The following PLEKHA5 variants were observed in gnomAD, a reference collection of about 807,000 sequenced individuals.
PLEKHA5 encodes the protein pleckstrin homology domain-containing family A member 5.
Under a neutral mutation model 181.9 loss-of-function variants are expected in PLEKHA5, and 55 were observed. That is an observed-to-expected ratio of 0.30 (90% CI 0.24 to 0.38). The LOEUF (loss-of-function observed/expected upper bound fraction) is 0.38. Ranked by LOEUF, PLEKHA5 falls within the 10% of genes least tolerant of loss-of-function variation. The probability of loss-of-function intolerance (pLI) is 1.00; values close to 1 mark genes in which losing one functional copy is unlikely to be tolerated. For synonymous variants in PLEKHA5, 535 were observed against 529.4 expected, an observed-to-expected ratio of 1.01 and a Z score of -0.15; for missense variants, 1,432 against 1,549.5, an observed-to-expected ratio of 0.92 and a Z score of 1.27.
chr12:19,146,888 T>C (rs1045447190), intron 3 of PLEKHA5, among the ~76,000 whole-genome samples: 1 of 152,228 alleles, frequency 6.6e-6, no homozygotes, highest in African/African-American at 2.4e-5. Flanking sequence ...ATTGATACTG[T>C]TATATACCAG....
At chr12:19,231,024 A>C (rs1369400262) in intron 3 of PLEKHA5, among the ~76,000 whole-genome samples, 2 of 152,164 alleles carry the variant, frequency 1.3e-5, no homozygotes, top group Non-Finnish European at 2.9e-5. Context: ...TGTCTTAATC[A>C]TGAGTCTCCA....
intron 3 of PLEKHA5, among the ~76,000 whole-genome samples, chr12:19,229,707 A>G (rs1164518630): frequency 6.6e-6 from 1 of 152,170 alleles, no homozygotes; most frequent in Non-Finnish European, 1.5e-5. Context: ...GCAGGTTGCC[A>G]CTGCTGGCTT....
chr12:19,330,657 TAAAATGAA>T (rs901320335), intron 20 of PLEKHA5, among the ~76,000 whole-genome samples: 4 of 152,130 alleles, frequency 2.6e-5, no homozygotes, highest in Admixed American at 6.6e-5. Context: ...ATCCTGAAGG[TAAAATGAA>T]AAAATGAATA....
intron 20 of PLEKHA5, among the ~76,000 whole-genome samples, chr12:19,334,066 G>A (rs901240006): frequency 1.3e-5 from 2 of 152,124 alleles, no homozygotes; most frequent in African/African-American, 2.4e-5. Context: ...CCACAAATAC[G>A]TAAGGTCATA....
chr12:19,220,064 A>T (rs2058684089), intron 3 of PLEKHA5, among the ~76,000 whole-genome samples: 1 of 152,152 alleles, frequency 6.6e-6, no homozygotes, highest in African/African-American at 2.4e-5. Context: ...CAATTAATTC[A>T]ACTTTTAACT....
chr12:19,253,063 C>CTTTTTTTTTTTTTTTTT (rs1314175368), intron 3 of PLEKHA5, among the ~76,000 whole-genome samples: 1 of 51,992 alleles, frequency 1.9e-5, no homozygotes, highest in Non-Finnish European at 5.6e-5. Context: ...AATCAACTTA[C>CTTTTTTTTTTTTTTTTT]CTTTTTTTTT....
chr12:19,187,436 C>T (rs1286920164), intron 3 of PLEKHA5, among the ~76,000 whole-genome samples: 1 of 152,128 alleles, frequency 6.6e-6, no homozygotes, highest in Non-Finnish European at 1.5e-5. Flanking sequence ...GTCTTAATTA[C>T]AGTTAAGATG....
chr12:19,290,873 G>T, intron 14 of PLEKHA5, 77 bp downstream of exon 14: 1 of 1,319,736 alleles, frequency 7.6e-7, no homozygotes, highest in Admixed American at 2.3e-5. Context: ...AATATGATCA[G>T]CATCATTAGT....
chr12:19,186,098 T>TC (rs776951151), intron 3 of PLEKHA5, among the ~76,000 whole-genome samples: 100 of 152,244 alleles, frequency 6.6e-4, no homozygotes, highest in Non-Finnish European at 1.0e-3. Context: ...TTGCCAGAGG[T>TC]CCCATAAAAT....
intron 20 of PLEKHA5, among the ~76,000 whole-genome samples, chr12:19,332,528 G>A (rs2092948812): frequency 1.3e-5 from 2 of 152,116 alleles, no homozygotes; most frequent in African/African-American, 4.8e-5. Flanking sequence ...GCCCAGATGG[G>A]AGTGCAGTGG....
intron 3 of PLEKHA5, among the ~76,000 whole-genome samples, chr12:19,252,879 A>C (rs531757203): frequency 1.3e-5 from 2 of 151,910 alleles, no homozygotes; most frequent in South Asian, 2.1e-4. Context: ...TAGTACTGTT[A>C]GGTTTTCTTT....
intron 25 of PLEKHA5, among the ~76,000 whole-genome samples, chr12:19,353,220 C>T (rs1408069950): frequency 2.0e-5 from 3 of 152,128 alleles, no homozygotes; most frequent in Non-Finnish European, 2.9e-5. Flanking sequence ...GTGGCGCTAT[C>T]TCAGCTCACT....
chr12:19,264,667 G>A (rs2069697596), intron 7 of PLEKHA5, among the ~76,000 whole-genome samples: 1 of 151,988 alleles, frequency 6.6e-6, no homozygotes. Context: ...TATGAGAAAA[G>A]CTATTGAAAA....
intron 3 of PLEKHA5, among the ~76,000 whole-genome samples, chr12:19,244,639 A>G (rs914608265): frequency 1.4e-4 from 21 of 152,254 alleles, no homozygotes; most frequent in Admixed American, 6.5e-5. Context: ...CTTAAGGGAA[A>G]TACATGATTC....
chr12:19,348,299 G>A (rs909734835), intron 24 of PLEKHA5, 100 bp from the exon 25 acceptor site: 8 of 823,512 alleles, frequency 9.7e-6, no homozygotes, highest in Admixed American at 8.2e-5. Flanking sequence ...GGCTCACTAG[G>A]GCTACTAATG....
intron 3 of PLEKHA5, among the ~76,000 whole-genome samples, chr12:19,159,802 AAAG>A: frequency 6.6e-6 from 1 of 152,274 alleles, no homozygotes; most frequent in South Asian, 2.1e-4. Flanking sequence ...TAAATACTCA[AAAG>A]TATTTGAAGC....
chr12:19,136,725 G>A (rs2035766761), intron 3 of PLEKHA5, among the ~76,000 whole-genome samples: 2 of 152,086 alleles, frequency 1.3e-5, no homozygotes, highest in South Asian at 4.2e-4. Context: ...ATTTGCGGGG[G>A]TAAAATAGTA....
chr12:19,148,543 C>T (rs2151257958), intron 3 of PLEKHA5, among the ~76,000 whole-genome samples: 1 of 152,286 alleles, frequency 6.6e-6, no homozygotes, highest in East Asian at 1.9e-4. Context: ...TCATTTGATT[C>T]TCAGGACAAC....
chr12:19,236,281 A>G (rs558772074), intron 3 of PLEKHA5, among the ~76,000 whole-genome samples: 1 of 152,288 alleles, frequency 6.6e-6, no homozygotes, highest in East Asian at 1.9e-4. Context: ...CTGGGTTTGA[A>G]TCCTATTTAA....
Sources: gnomAD v4.1 joint callset for allele counts (sites outside exome capture counted in the v4.1 genomes callset) on GRCh38, gnomAD v4.1.1 for gene constraint, MANE v1.5 for transcripts, NCBI Gene and HGNC (gene_info 2026-07-23, HGNC 2026-07-21) for gene names.